ARSB: variants seen among roughly 807,000 people sequenced by gnomAD.
ARSB encodes the protein N-acetylgalactosamine-4-sulfatase.
A neutral mutation model predicts 50.9 loss-of-function variants in ARSB; 41 were observed. That is an observed-to-expected ratio of 0.81 (90% confidence interval 0.63 to 1.04). The LOEUF is 1.04. Among genes scored for constraint, ARSB ranks in the 50% least tolerant of loss-of-function variants. The pLI, the probability that ARSB is intolerant of heterozygous loss-of-function variation, is 0.00. For missense variants in ARSB, 672 were observed against 693.3 expected (o/e 0.97, Z 0.35); for synonymous variants, 269 against 284.8 (o/e 0.94, Z 0.56).
intron 5 of ARSB, among the ~76,000 whole-genome samples, chr5:78,867,544 C>G (rs368249458): frequency 6.6e-6 from 1 of 152,042 alleles, no homozygotes; most frequent in Admixed American, 6.5e-5. Flanking sequence ...GGAGGCACCC[C>G]CCAGCAGGGG....
chr5:78,973,493 G>A (rs553055446), intron 1 of ARSB, among the ~76,000 whole-genome samples: 20 of 152,272 alleles, frequency 1.3e-4, no homozygotes, highest in South Asian at 6.2e-4. Context: ...TTGGTTGCAC[G>A]TAACAATTTA....
rs765962476 is a variant in ARSB, at chr5:78,780,638, G to A, written c.1361C>T (p.Pro454Leu). Residue 454 changes from proline (P) to leucine (L), a missense_variant, in exon 8 of 8, where the codon CCG (proline) becomes CTG (leucine). Transcript: ENST00000264914. Reference protein sequence around the residue: ...YPGCGYWFPPPSQYNVSEIPS... With the variant: ...YPGCGYWFPPLSQYNVSEIPS... Reference sequence around the variant, plus strand: ...TATCTCAGAAACATTGTATTGAGACGGTGGAGGGAACCAGTAACCACAGCC... The same window carrying A: ...TATCTCAGAAACATTGTATTGAGACAGTGGAGGGAACCAGTAACCACAGCC... The A allele has an allele frequency of 3.1e-6, 5 of 1,614,098 alleles. No homozygotes were observed. The highest frequency in any genetic ancestry group is 2.2e-5 in the South Asian group (2 of 91,054).
rs138855015 is a variant in ARSB at position 78,947,593 on chromosome 5, C to A, written c.898+7702G>T. Among the ~76,000 whole-genome samples the A allele has an allele frequency of 2.0e-4, 30 of 152,236 alleles. 1 individual carries two copies. The East Asian group carries it at 3.9e-3, about 20-fold the overall frequency. On this transcript the variant is annotated intron_variant, in intron 4 of 7. Coordinates refer to ENST00000264914, the MANE Select transcript of ARSB (RefSeq NM_000046.5). The stretch of plus-strand genomic sequence containing the variant: ...AAAACTGCAGTGAGATATCCTCTCA[C>A]CCCAGTTAAAATGGCTTTTATCCAA...
chr5:78,872,831 A>AG (rs1276241005), intron 5 of ARSB, among the ~76,000 whole-genome samples: 8 of 115,894 alleles, frequency 6.9e-5, no homozygotes, highest in African/African-American at 2.2e-4. Flanking sequence ...AAAAAAAAAA[A>AG]AAGAAAGGGG....
chr5:78,862,806 A>G (rs1435675975), intron 5 of ARSB, among the ~76,000 whole-genome samples: 2 of 152,182 alleles, frequency 1.3e-5, no homozygotes, highest in Admixed American at 1.3e-4. Flanking sequence ...ACTACCATCA[A>G]AGTGAACAGG....
At chr5:78,846,178 G>A (rs1745434448) in intron 5 of ARSB, among the ~76,000 whole-genome samples, 2 of 152,046 alleles carry the variant, frequency 1.3e-5, no homozygotes, top group African/African-American at 4.8e-5. Context: ...CTTTGTCAAG[G>A]ATCAGTAGGC....
rs1748843439 is a variant in ARSB, at chr5:78,778,852, C to T, written c.*1545G>A. 1.3e-5 allele frequency: 2 copies of T among 152,036 alleles called. No individual in the cohort carries two copies. The highest frequency in any genetic ancestry group is 4.8e-5 in the African/African-American group (2 of 41,398). The allele number at this position is 152,036 out of a possible 1,614,324, so 9.4% of individuals were successfully genotyped here. On this transcript the variant is annotated 3_prime_UTR_variant, in exon 8 of 8. Transcript: ENST00000264914. ...AGCTGGGCAACATAGGGAACCTTGT[C>T]TTTTCAAAAAATAAAATTAGCTGGG...
intron 6 of ARSB, among the ~76,000 whole-genome samples, chr5:78,783,962 C>T (rs979331141): frequency 5.3e-5 from 8 of 151,958 alleles, no homozygotes; most frequent in Non-Finnish European, 1.2e-4. Flanking sequence ...AGCCATCACC[C>T]AAAATGAACA....
chr5:78,891,280 T>C (rs998223372), intron 4 of ARSB, among the ~76,000 whole-genome samples: 1 of 152,312 alleles, frequency 6.6e-6, no homozygotes, highest in African/African-American at 2.4e-5. Flanking sequence ...GCTTAAACTA[T>C]AGGAGCTGGC....
rs1744859717 is a variant in ARSB at position 78,834,620 on chromosome 5, T to TAC, written c.1213+4735_1213+4736insGT. Reference sequence around the variant, plus strand: ...GTATATATATGTGTATATATATATATATATATATATATATATATATATATA... The same window carrying TAC: ...GTATATATATGTGTATATATATATATACATATATATATATATATATATATATA... On this transcript the variant is annotated intron_variant, in intron 6 of 7. Transcript: ENST00000264914. Among the ~76,000 whole-genome samples the TAC allele has an allele frequency of 2.4e-5, 3 of 126,156 alleles. 1 individual carries two copies. Among genetic ancestry groups the TAC allele is most frequent in the Non-Finnish European group, 4.7e-5 (3 of 63,260 alleles). 82.8% of individuals were successfully genotyped at this position (126,156 alleles called of 152,430 possible).
rs903228387 is a variant in ARSB at position 78,815,471 on chromosome 5, C to T, written c.1213+23885G>A. 1.3e-4 allele frequency: 117 copies of T among 919,944 alleles called. 1 individual carries two copies. Among genetic ancestry groups the T allele is most frequent in the Non-Finnish European group, 1.5e-4 (116 of 771,138 alleles). 57.0% of individuals were successfully genotyped at this position (919,944 alleles called of 1,614,324 possible). A position where few individuals can be genotyped will look rare whatever the true frequency, so the allele number is the denominator to read the frequency against. On this transcript the variant is annotated intron_variant, in intron 6 of 7. Coordinates refer to ENST00000264914, the MANE Select transcript of ARSB (RefSeq NM_000046.5). Reference sequence around the variant, plus strand: ...CTCTGTGCCAGAAAGTGTGACTTGGCAAATGGAGGACAGGCTGTGCCCCTG... The same window carrying T: ...CTCTGTGCCAGAAAGTGTGACTTGGTAAATGGAGGACAGGCTGTGCCCCTG...
chr5:78,837,570 A>G (rs947328373), intron 6 of ARSB, among the ~76,000 whole-genome samples: 4 of 152,206 alleles, frequency 2.6e-5, no homozygotes, highest in African/African-American at 9.7e-5. Flanking sequence ...AGTTAATTAA[A>G]ATTAAATTTT....
intron 4 of ARSB, among the ~76,000 whole-genome samples, chr5:78,931,447 C>T (rs1428329990): frequency 6.6e-6 from 1 of 152,034 alleles, no homozygotes; most frequent in African/African-American, 2.4e-5. Context: ...ATCTATTTTC[C>T]GCTCATTCAT....
intron 6 of ARSB, among the ~76,000 whole-genome samples, chr5:78,795,253 C>T (rs1162945814): frequency 6.6e-6 from 1 of 152,210 alleles, no homozygotes; most frequent in East Asian, 1.9e-4. Flanking sequence ...CCAATGTCCA[C>T]CTTGGTTCAT....
At chr5:78,969,826 C>T (rs1752374326) in intron 1 of ARSB, among the ~76,000 whole-genome samples, 1 of 152,190 alleles carries the variant, frequency 6.6e-6, no homozygotes, top group Non-Finnish European at 1.5e-5. Context: ...ACCATGTTGG[C>T]CAGGCTGGTC....
intron 1 of ARSB, among the ~76,000 whole-genome samples, chr5:78,977,161 T>G (rs201727941): frequency 1.1e-5 from 1 of 93,680 alleles, no homozygotes; most frequent in African/African-American, 3.6e-5. Flanking sequence ...CTTTCCCCAC[T>G]TCCCCCCCGC....
chr5:78,942,399 T>C (rs1580099743), intron 4 of ARSB, among the ~76,000 whole-genome samples: 1 of 152,312 alleles, frequency 6.6e-6, no homozygotes, highest in Middle Eastern at 3.4e-3. Context: ...AGACCTTTCC[T>C]GCTTTCTCTC....
intron 5 of ARSB, among the ~76,000 whole-genome samples, chr5:78,851,622 T>C (rs2112047861): frequency 6.6e-6 from 1 of 152,304 alleles, no homozygotes; most frequent in South Asian, 2.1e-4. Context: ...CTTTGTTAAC[T>C]TTCTGTCTCA....
At chr5:78,784,341 AT>A in intron 6 of ARSB, among the ~76,000 whole-genome samples, 1 of 152,226 alleles carries the variant, frequency 6.6e-6, no homozygotes, top group Non-Finnish European at 1.5e-5. Context: ...ACGAAAGGAA[AT>A]CGGTATACTA....
Sources: allele counts gnomAD v4.1 joint callset (sites outside exome capture counted in the v4.1 genomes callset), GRCh38; gene constraint gnomAD v4.1.1; transcripts MANE v1.5; gene names NCBI Gene and HGNC (gene_info 2026-07-23, HGNC 2026-07-21).